The following CSMD1 variants were observed in gnomAD, a reference collection of about 807,000 sequenced individuals.
CSMD1 encodes CUB and Sushi multiple domains 1.
A neutral mutation model predicts 417.5 loss-of-function variants in CSMD1; 213 were observed. The ratio of observed to expected loss-of-function variants is 0.51; its 90% CI spans 0.46 to 0.57. The LOEUF (loss-of-function observed/expected upper bound fraction) is 0.57. CSMD1 is among the 20% of genes least tolerant of loss of function. The probability of loss-of-function intolerance (pLI) is 0.00; values close to 1 mark genes in which losing one functional copy is unlikely to be tolerated. For synonymous variants in CSMD1, 2,862 were observed against 1,736.8 expected (o/e 1.65, Z -16.11); for missense variants, 6,923 against 4,529.7 (o/e 1.53, Z -15.17).
At position 4,032,157 on chromosome 8, in the gene CSMD1, C is replaced by T. The variant is rs79586223; in HGVS notation, c.416-58G>A. The T allele has an allele frequency of 0.015, 20,385 of 1,323,918 alleles. 1,024 individuals carry two copies. In the African/African-American group the frequency reaches 0.16, roughly 10 times the overall value. The allele number at this position is 1,323,918 out of a possible 1,614,324, so 82.0% of individuals were successfully genotyped here. A position where few individuals can be genotyped will look rare whatever the true frequency, so the allele number is the denominator to read the frequency against. The stretch of plus-strand genomic sequence containing the variant: ...AAGTTAAATTTTCCATGGAGAGCCA[C>T]TTATAAGATAAAACAGACACCATTT... On this transcript the variant is annotated intron_variant, in intron 3 of 69. Coordinates refer to ENST00000635120, the MANE Select transcript of CSMD1 (RefSeq NM_033225.6).
intron 26 of CSMD1, among the ~76,000 whole-genome samples, chr8:3,240,571 T>A (rs547820717): frequency 4.0e-5 from 6 of 151,740 alleles, no homozygotes; most frequent in Non-Finnish European, 5.9e-5. Flanking sequence ...ATGGGGGCTG[T>A]CTGTGAAGCT....
At chr8:4,449,081 G>A (rs546703157) in intron 2 of CSMD1, among the ~76,000 whole-genome samples, 262 of 152,256 alleles carry the variant, frequency 1.7e-3, no homozygotes, top group Non-Finnish European at 2.9e-3. Context: ...CTCTTTCTAA[G>A]GAGATTGAAT....
Position 3,834,561 on chromosome 8 carries a change from G to A in CSMD1, c.819-80519C>T, listed in dbSNP as rs148445639. Among the ~76,000 whole-genome samples, 423 of 152,304 alleles carry A rather than the reference G, an allele frequency of 2.8e-3. 2 individuals are homozygous for A. Among genetic ancestry groups the A allele is most frequent in the African/African-American group, 8.9e-3 (371 of 41,562 alleles). On this transcript the variant is annotated intron_variant, in intron 5 of 69. Coordinates refer to ENST00000635120, the MANE Select transcript of CSMD1 (RefSeq NM_033225.6). ...TCTTCCAAAACTGGCTGATTTAAATGTATCCTGGCTGTATTACAAATATAT... is the reference window on the plus strand; with the variant it reads ...TCTTCCAAAACTGGCTGATTTAAATATATCCTGGCTGTATTACAAATATAT...
rs189145984 is a variant in CSMD1 at position 3,097,351 on chromosome 8, T to G, written c.6950-314A>C. On this transcript the variant is annotated intron_variant, in intron 46 of 69. Transcript: ENST00000635120. ...ACAATGCAAGATTTCCTAACTCTAC[T>G]ACAAAGAAGAACCTCACCATTTCAA... Among the ~76,000 whole-genome samples the G allele has an allele frequency of 4.6e-5, 7 of 152,286 alleles. No individual in the cohort carries two copies. The East Asian group carries it at 1.3e-3, about 29-fold the overall frequency.
intron 6 of CSMD1, among the ~76,000 whole-genome samples, chr8:3,743,199 T>C (rs1177076397): frequency 3.5e-4 from 53 of 152,220 alleles, no homozygotes; most frequent in Non-Finnish European, 8.8e-5. Flanking sequence ...TTTTCATGAA[T>C]GCAGAGTGTT....
At chr8:4,046,026 A>T (rs191814282) in intron 3 of CSMD1, among the ~76,000 whole-genome samples, 1 of 152,128 alleles carries the variant, frequency 6.6e-6, no homozygotes, top group Non-Finnish European at 1.5e-5. Context: ...TCAAATATAA[A>T]ATTTAGGACT....
chr8:3,719,505 C>A (rs919872681), intron 6 of CSMD1, among the ~76,000 whole-genome samples: 1 of 152,154 alleles, frequency 6.6e-6, no homozygotes, highest in African/African-American at 2.4e-5. Context: ...TTTCCCTGGA[C>A]CATTCATTAC....
rs571570155 is a variant in CSMD1, at chr8:3,929,080, G to A, written c.818+68823C>T. On this transcript the variant is annotated intron_variant, in intron 5 of 69. Transcript: ENST00000635120. ...AATTGCAGAAAATTAAAAGCACAGA[G>A]AATAAAGAAAGACTTGGAGTGAGGA... 6.6e-5 allele frequency among the ~76,000 whole-genome samples: 10 copies of A among 150,468 alleles called. No individual in the cohort carries two copies. In the South Asian group the frequency reaches 1.9e-3, roughly 29 times the overall value.
At chr8:3,774,245 C>T (rs1186690543) in intron 5 of CSMD1, among the ~76,000 whole-genome samples, 1 of 152,148 alleles carries the variant, frequency 6.6e-6, no homozygotes, top group Non-Finnish European at 1.5e-5. Flanking sequence ...ATGCCACTTG[C>T]TCTGTAAATT....
intron 3 of CSMD1, among the ~76,000 whole-genome samples, chr8:4,334,946 A>T (rs141345559): frequency 6.6e-6 from 1 of 152,214 alleles, no homozygotes; most frequent in East Asian, 1.9e-4. Context: ...TTTTTGCTAC[A>T]TCCTCACATG....
chr8:4,310,889 G>A (rs552097648), intron 3 of CSMD1, among the ~76,000 whole-genome samples: 7 of 152,236 alleles, frequency 4.6e-5, no homozygotes, highest in African/African-American at 1.7e-4. Context: ...TGGCCAACAA[G>A]CATATGAAAA....
intron 3 of CSMD1, among the ~76,000 whole-genome samples, chr8:4,043,952 T>C (rs2740908): frequency 0.33 from 50,344 of 152,012 alleles, 9,014 homozygotes; most frequent in African/African-American, 0.46. Context: ...ATTGTCCCAA[T>C]TGTGTTGATA....
intron 1 of CSMD1, among the ~76,000 whole-genome samples, chr8:4,893,065 C>T (rs1271607783): frequency 2.0e-5 from 3 of 152,206 alleles, no homozygotes; most frequent in Admixed American, 1.3e-4. Flanking sequence ...AGGGCTGTGT[C>T]GATTATCCCC....
rs531333702 is a variant in CSMD1 at position 3,708,774 on chromosome 8, G to C, written c.932-283C>G. On this transcript the variant is annotated intron_variant, in intron 6 of 69. Coordinates refer to ENST00000635120, the MANE Select transcript of CSMD1 (RefSeq NM_033225.6). Reference sequence around the variant, plus strand: ...CACATCCAATCCTATTTACCACTAGGAGTGGCAGATTCCACCAATCATTAT... The same window carrying C: ...CACATCCAATCCTATTTACCACTAGCAGTGGCAGATTCCACCAATCATTAT... 1.3e-3 allele frequency among the ~76,000 whole-genome samples: 192 copies of C among 152,272 alleles called. 2 individuals are homozygous for C. Among genetic ancestry groups the C allele is most frequent in the African/African-American group, 4.4e-3 (183 of 41,558 alleles).
intron 8 of CSMD1, among the ~76,000 whole-genome samples, chr8:3,599,276 T>C (rs1312719746): frequency 1.3e-5 from 2 of 152,080 alleles, no homozygotes; most frequent in South Asian, 2.1e-4. Flanking sequence ...CACCTCCTCA[T>C]GTGGCTACGT....
At chr8:2,997,874 T>G in intron 54 of CSMD1, 137 bp downstream of exon 54, 1 of 786,682 alleles carries the variant, frequency 1.3e-6, no homozygotes, top group South Asian at 2.5e-5. Flanking sequence ...CAGAAATGCT[T>G]TCACACCTGA....
chr8:4,617,120 A>C (rs1801513916), intron 2 of CSMD1, among the ~76,000 whole-genome samples: 1 of 152,116 alleles, frequency 6.6e-6, no homozygotes, highest in Non-Finnish European at 1.5e-5. Context: ...ACATGTTTTA[A>C]AATTCTTATG....
chr8:4,604,448 A>G (rs554154901), intron 2 of CSMD1, among the ~76,000 whole-genome samples: 1 of 150,048 alleles, frequency 6.7e-6, no homozygotes, highest in Admixed American at 6.7e-5. Context: ...GGAAGGAAGG[A>G]TCATCAACAA....
In CSMD1 at chr8:2,954,680, G is replaced by A. The variant is rs181459960; in HGVS notation, c.9995-412C>T. Among the ~76,000 whole-genome samples the A allele has an allele frequency of 4.6e-5, 7 of 152,182 alleles. No homozygotes were observed. The East Asian group carries it at 5.8e-4, about 13-fold the overall frequency. ...CCCACCCAAATCAATCAATTTATACGTTACTACTGAAAAATTCAAAATTAT... is the reference window on the plus strand; with the variant it reads ...CCCACCCAAATCAATCAATTTATACATTACTACTGAAAAATTCAAAATTAT... On this transcript the variant is annotated intron_variant, in intron 64 of 69. Transcript: ENST00000635120.
Sources: allele counts gnomAD v4.1 joint callset (sites outside exome capture counted in the v4.1 genomes callset), GRCh38; gene constraint gnomAD v4.1.1; transcripts MANE v1.5; gene names NCBI Gene and HGNC (gene_info 2026-07-23, HGNC 2026-07-21).